HEG1: variants seen among roughly 807,000 people sequenced by gnomAD.
HEG1 encodes heart development protein with EGF like domains 1.
Under a neutral mutation model 125.6 loss-of-function variants are expected in HEG1, and 56 were observed. That is an observed-to-expected ratio of 0.45 (90% CI 0.36 to 0.56). HEG1 has a LOEUF of 0.56. Among genes scored for constraint, HEG1 ranks in the 20% least tolerant of loss-of-function variants. The pLI is 0.00. For missense variants in HEG1, 1,523 were observed against 1,670.0 expected, an observed-to-expected ratio of 0.91 and a Z score of 1.53; for synonymous variants, 644 against 668.5, an observed-to-expected ratio of 0.96 and a Z score of 0.57.
Position 125,013,879 on chromosome 3 carries a change from G to A in HEG1, c.1700C>T (p.Ala567Val), listed in dbSNP as rs776979288. The A allele has an allele frequency of 1.2e-6, 2 of 1,613,848 alleles. No individual in the cohort carries two copies. Among genetic ancestry groups the A allele is most frequent in the Admixed American group, 1.7e-5 (1 of 60,004 alleles). Residue 567 changes from alanine (A) to valine (V), a missense_variant, in exon 6 of 17, where the codon GCG becomes GTG. By Grantham distance (64) the Ala-to-Val change is moderately conservative (BLOSUM62 0). Coordinates refer to ENST00000311127, the MANE Select transcript of HEG1 (RefSeq NM_020733.2). ...ACTGTTATCTGTAATGGACAGTAAC[G>A]CCCGTTCTCCTTTGGTGAAAGTAGA... ...LSSTFTKGER[A>V]LLSITDNSSS...
intron 15 of HEG1, among the ~76,000 whole-genome samples, chr3:124,974,349 T>C (rs779798986): frequency 1.3e-5 from 2 of 151,756 alleles, no homozygotes; most frequent in Non-Finnish European, 2.9e-5. Context: ...AGTCTGGGTC[T>C]CCCCCAGATT....
At chr3:125,026,912 A>C (rs1937423361) in intron 3 of HEG1, among the ~76,000 whole-genome samples, 1 of 152,196 alleles carries the variant, frequency 6.6e-6, no homozygotes, top group African/African-American at 2.4e-5. Context: ...AGGCAGGAGA[A>C]TCGCTTGAAC....
intron 5 of HEG1, among the ~76,000 whole-genome samples, chr3:125,014,533 G>A (rs568455883): frequency 1.3e-5 from 2 of 152,244 alleles, no homozygotes; most frequent in Admixed American, 1.3e-4. Context: ...GAGGGCTGGG[G>A]GTGGGAACTG....
Position 124,997,788 on chromosome 3 carries a change from C to T in HEG1, c.3553G>A (p.Asp1185Asn), listed in dbSNP as rs752896439. Reference protein sequence around the residue: ...SLCKRKSPECDKDTSICTDLD... With the variant: ...SLCKRKSPECNKDTSICTDLD... The stretch of plus-strand genomic sequence containing the variant: ...TCAGTGCAGATGGAGGTGTCTTTGT[C>T]ACATTCGGGACTCTTCCGCTTGCAC... The change falls in exon 12 of 17, where the codon GAC becomes AAC. Residue 1185 changes from aspartate to asparagine, a missense_variant. Coordinates refer to ENST00000311127, the MANE Select transcript of HEG1 (RefSeq NM_020733.2). 5 of 1,595,484 alleles carry T rather than the reference C, an allele frequency of 3.1e-6. No homozygotes were observed. Among genetic ancestry groups the T allele is most frequent in the Admixed American group, 3.4e-5 (2 of 58,842 alleles).
chr3:124,981,282 C>T (rs1936647922), intron 14 of HEG1, among the ~76,000 whole-genome samples: 1 of 145,302 alleles, frequency 6.9e-6, no homozygotes, highest in South Asian at 2.1e-4. Flanking sequence ...GTCAACTCGA[C>T]TGTGGACTGA....
chr3:125,025,786 T>C (rs1429146905), intron 3 of HEG1, among the ~76,000 whole-genome samples: 1 of 152,200 alleles, frequency 6.6e-6, no homozygotes, highest in African/African-American at 2.4e-5. Flanking sequence ...GCTGGAAGAA[T>C]TGCAGCTTTT....
Position 125,055,840 on chromosome 3 carries a change from C to T in HEG1, c.51G>A (p.Leu17=). 4.1e-6 allele frequency: 4 copies of T among 982,566 alleles called. No homozygotes were observed. The highest frequency in any genetic ancestry group is 4.8e-6 in the Non-Finnish European group (4 of 828,330). 60.9% of individuals were successfully genotyped at this position (982,566 alleles called of 1,614,324 possible). A position where few individuals can be genotyped will look rare whatever the true frequency, so the allele number is the denominator to read the frequency against. The change falls in exon 1 of 17, where the codon TTG becomes TTA. Residue 17 remains leucine (L), a synonymous_variant. Coordinates refer to ENST00000311127, the MANE Select transcript of HEG1 (RefSeq NM_020733.2). ...CCGGCGGCAGCAGCAGCAGCGGCAGCAACAGCAGCAGGAGCGGCGGCGGCC... is the reference window on the plus strand; with the variant it reads ...CCGGCGGCAGCAGCAGCAGCGGCAGTAACAGCAGCAGGAGCGGCGGCGGCC... ...SRWPPPLLLL[L]LPLLLLPPAA...
chr3:125,037,438 A>T (rs1248137851), intron 1 of HEG1, among the ~76,000 whole-genome samples: 1 of 152,196 alleles, frequency 6.6e-6, no homozygotes, highest in Admixed American at 6.5e-5. Flanking sequence ...AGTTCCAGTG[A>T]CATTTCTGAA....
chr3:125,045,509 T>C (rs376590972), intron 1 of HEG1, among the ~76,000 whole-genome samples: 78 of 152,236 alleles, frequency 5.1e-4, no homozygotes, highest in African/African-American at 1.8e-3. Flanking sequence ...AGGTCAAGGG[T>C]AGAGCTGTGA....
rs777476374 is a variant in HEG1 at position 125,019,332 on chromosome 3, A to G, written c.1518T>C (p.Ser506=). ...GGSHTALGDR[S]YSESSSTSSS... ...AAGATGTAGATGAAGACTCTGAATA[A>G]CTCCTATCTCCCAATGCTGTGTGAC... Residue 506 remains serine (S), a synonymous_variant, in exon 5 of 17, where the codon AGT becomes AGC. Transcript: ENST00000311127. The G allele has an allele frequency of 4.3e-6, 7 of 1,613,876 alleles. No individual in the cohort carries two copies. The highest frequency in any genetic ancestry group is 5.9e-6 in the Non-Finnish European group (7 of 1,179,828).
intron 14 of HEG1, among the ~76,000 whole-genome samples, chr3:124,978,410 G>A (rs1053298888): frequency 2.6e-5 from 4 of 152,144 alleles, no homozygotes; most frequent in Non-Finnish European, 4.4e-5. Context: ...GCCTCCCAAA[G>A]TTCTGGGATT....
chr3:124,972,281 TG>T (rs963768108), intron 16 of HEG1: 1 of 152,176 alleles, frequency 6.6e-6, no homozygotes, highest in Non-Finnish European at 1.5e-5. Context: ...GATGAGAGTG[TG>T]GGGACACACC....
chr3:125,001,010 C>A (rs1936991204), intron 11 of HEG1, among the ~76,000 whole-genome samples: 1 of 152,180 alleles, frequency 6.6e-6, no homozygotes, highest in African/African-American at 2.4e-5. Flanking sequence ...CCTCTAAGAC[C>A]AAAACTTCCC....
intron 1 of HEG1, among the ~76,000 whole-genome samples, chr3:125,054,566 A>T (rs1198250515): frequency 6.6e-6 from 1 of 152,138 alleles, no homozygotes; most frequent in East Asian, 1.9e-4. Context: ...TTTCAGGGAA[A>T]CTCCAAATCA....
Position 124,992,178 on chromosome 3 carries a change from G to A in HEG1, c.3653-1192C>T, listed in dbSNP as rs79453364. On this transcript the variant is annotated intron_variant, in intron 12 of 16. Transcript: ENST00000311127. ...CCCTAGAGTCTGTGTAGGGGATTTCGGACATATCTAGATGTGTGCTAATCG... is the reference window on the plus strand; with the variant it reads ...CCCTAGAGTCTGTGTAGGGGATTTCAGACATATCTAGATGTGTGCTAATCG... Among the ~76,000 whole-genome samples, 209 of 152,188 alleles carry A rather than the reference G, an allele frequency of 1.4e-3. 1 individual carries two copies. The highest frequency in any genetic ancestry group is 2.2e-3 in the Non-Finnish European group (150 of 68,024).
chr3:125,049,707 A>G (rs903336107), intron 1 of HEG1, among the ~76,000 whole-genome samples: 2 of 151,780 alleles, frequency 1.3e-5, no homozygotes, highest in Non-Finnish European at 2.9e-5. Context: ...AATTTCCACT[A>G]CCTCCACTCT....
Position 124,973,729 on chromosome 3 carries a change from A to G in HEG1, c.3996+2T>C, listed in dbSNP as rs750693966. On this transcript the variant is annotated splice_donor_variant, in intron 16 of 16. Transcript: ENST00000311127. LOFTEE classifies it high-confidence loss of function. ...GGGTCATCCTGACACAGGAATACAC[A>G]CCGAGTAGTACACATCCGTCATCTG... 1 of 1,608,186 alleles carries G rather than the reference A, an allele frequency of 6.2e-7. No homozygotes were observed. Among genetic ancestry groups the G allele is most frequent in the South Asian group, 1.1e-5 (1 of 89,588 alleles).
At chr3:125,009,849 A>T in intron 7 of HEG1, 25 bp from the exon 8 acceptor site, 2 of 1,597,444 alleles carry the variant, frequency 1.3e-6, no homozygotes, top group Non-Finnish European at 1.7e-6. Context: ...AAAGAAGAAC[A>T]TCTTGCATCT....
At chr3:124,998,310 G>C (rs1016281410) in intron 11 of HEG1, among the ~76,000 whole-genome samples, 1 of 152,210 alleles carries the variant, frequency 6.6e-6, no homozygotes, top group African/African-American at 2.4e-5. Context: ...GTGTCTGCAT[G>C]GCCTAAAAAG....
Sources: allele counts gnomAD v4.1 joint callset (sites outside exome capture counted in the v4.1 genomes callset), GRCh38; gene constraint gnomAD v4.1.1; transcripts MANE v1.5; gene names NCBI Gene and HGNC (gene_info 2026-07-23, HGNC 2026-07-21).